Variants in PRKN observed in about 807,000 individuals in gnomAD.
PRKN encodes E3 ubiquitin-protein ligase parkin.
Under a neutral mutation model 59.5 loss-of-function variants are expected in PRKN, and 56 were observed. That is an observed-to-expected ratio of 0.94 (90% CI 0.76 to 1.18). The LOEUF is 1.18. Among genes scored for constraint, PRKN ranks in the 50% most tolerant of loss-of-function variants. PRKN has a pLI of 0.00. For missense variants in PRKN, 657 were observed against 596.4 expected (o/e 1.10, Z -1.06); for synonymous variants, 250 against 222.1 (o/e 1.13, Z -1.12).
chr6:162,568,600 C>T, intron 1 of PRKN: 2 of 873,606 alleles, frequency 2.3e-6, no homozygotes, highest in African/African-American at 1.7e-5. Context: ...CAGATCAGGA[C>T]CCTCAACAAC....
At position 161,359,027 on chromosome 6, in the gene PRKN, C is replaced by A. The variant is rs1194139603; in HGVS notation, c.1285+1061G>T. On this transcript the variant is annotated intron_variant, in intron 11 of 11. Transcript: ENST00000366898. This position sits in a 1 kb window ranked among gnomAD's most constrained non-coding sequence, Gnocchi z 5.4. ...GCCAGGATGGTCTCGACCTCCTGAC[C>A]TTGTGATCCACCCGCCTCCGCCTCC... is the stretch of plus-strand genomic sequence containing the variant. Among the ~76,000 whole-genome samples the A allele has an allele frequency of 2.0e-5, 3 of 151,950 alleles. No homozygotes were observed. The highest frequency in any genetic ancestry group is 2.0e-4 in the Admixed American group (3 of 15,254).
At chr6:161,907,507 T>C (rs1267948804) in intron 6 of PRKN, among the ~76,000 whole-genome samples, 1 of 152,202 alleles carries the variant, frequency 6.6e-6, no homozygotes, top group Non-Finnish European at 1.5e-5. Flanking sequence ...AGCTCACATT[T>C]GCCAAGTTAT....
At chr6:162,716,625 T>C (rs569766637) in intron 1 of PRKN, among the ~76,000 whole-genome samples, 1 of 152,264 alleles carries the variant, frequency 6.6e-6, no homozygotes, top group South Asian at 2.1e-4. Flanking sequence ...CATATCAAAT[T>C]ACCCAGCTGC....
chr6:162,463,095 G>A (rs73035835), intron 1 of PRKN, among the ~76,000 whole-genome samples: 13,046 of 149,970 alleles, frequency 0.087, 890 homozygotes, highest in East Asian at 0.33. Flanking sequence ...AATTAAAAAC[G>A]AAAAAAAAAC....
At chr6:161,425,194 C>T (rs1384747414) in intron 9 of PRKN, among the ~76,000 whole-genome samples, 1 of 152,080 alleles carries the variant, frequency 6.6e-6, no homozygotes, top group African/African-American at 2.4e-5. Flanking sequence ...TACTTTGACC[C>T]CACTAGTCTT....
intron 7 of PRKN, among the ~76,000 whole-genome samples, chr6:161,698,045 C>T (rs1164092569): frequency 6.6e-6 from 1 of 152,028 alleles, no homozygotes; most frequent in Non-Finnish European, 1.5e-5. Context: ...ACTTATAAAA[C>T]ATACAACATG....
intron 4 of PRKN, among the ~76,000 whole-genome samples, chr6:162,183,891 A>G (rs1341964171): frequency 5.9e-5 from 9 of 152,134 alleles, no homozygotes; most frequent in South Asian, 2.1e-4. Flanking sequence ...TAAAAATCCA[A>G]ACAGGTGCAC....
intron 5 of PRKN, among the ~76,000 whole-genome samples, chr6:162,003,466 C>A (rs1782136300): frequency 6.6e-6 from 1 of 152,114 alleles, no homozygotes; most frequent in African/African-American, 2.4e-5. Context: ...CTTGGCTGAG[C>A]CCCATAGCCT....
At chr6:161,759,875 C>T (rs1428369522) in intron 7 of PRKN, among the ~76,000 whole-genome samples, 1 of 152,056 alleles carries the variant, frequency 6.6e-6, no homozygotes, top group Non-Finnish European at 1.5e-5. Context: ...TTTCTGAAGT[C>T]TGACCAATGA....
intron 1 of PRKN, among the ~76,000 whole-genome samples, chr6:162,626,200 G>C (rs556483381): frequency 6.6e-6 from 1 of 152,088 alleles, no homozygotes; most frequent in Non-Finnish European, 1.5e-5. Flanking sequence ...ATGCTGGATG[G>C]GGAATTTACC....
chr6:162,100,054 T>C (rs1248553798), intron 4 of PRKN, among the ~76,000 whole-genome samples: 2 of 152,260 alleles, frequency 1.3e-5, no homozygotes, highest in African/African-American at 2.4e-5. Flanking sequence ...GCTCATTTTA[T>C]GTAACATCAT....
At chr6:162,136,236 G>C (rs769158708) in intron 4 of PRKN, among the ~76,000 whole-genome samples, 1 of 151,842 alleles carries the variant, frequency 6.6e-6, no homozygotes, top group South Asian at 2.1e-4. Flanking sequence ...ATCTCACACA[G>C]GAACAGGAAA....
intron 7 of PRKN, among the ~76,000 whole-genome samples, chr6:161,710,472 T>C (rs983054149): frequency 5.3e-5 from 8 of 152,232 alleles, no homozygotes; most frequent in African/African-American, 1.9e-4. Context: ...TTTCTTCTTC[T>C]TCTTCTTCAT....
At chr6:161,823,101 A>T (rs1048408590) in intron 6 of PRKN, among the ~76,000 whole-genome samples, 12 of 138,886 alleles carry the variant, frequency 8.6e-5, no homozygotes, top group African/African-American at 2.9e-4. Flanking sequence ...TGCCAGGCTA[A>T]TTTTTTTTTT....
At position 162,166,166 on chromosome 6, in the gene PRKN, G is replaced by A. The variant is rs145375009; in HGVS notation, c.534+34965C>T. Among the ~76,000 whole-genome samples, 270 of 151,980 alleles carry A rather than the reference G, an allele frequency of 1.8e-3. 2 individuals carry two copies. Among genetic ancestry groups the A allele is most frequent in the African/African-American group, 6.0e-3 (249 of 41,430 alleles). ...TTCAAGAGAGTCAAAACCTGGAGACGGCCCAGGTGTCCCTCTACAGTAGAC... is the reference window on the plus strand; with the variant it reads ...TTCAAGAGAGTCAAAACCTGGAGACAGCCCAGGTGTCCCTCTACAGTAGAC... On this transcript the variant is annotated intron_variant, in intron 4 of 11. Transcript: ENST00000366898.
intron 6 of PRKN, among the ~76,000 whole-genome samples, chr6:161,794,910 A>G (rs544060101): frequency 6.6e-6 from 1 of 151,798 alleles, no homozygotes; most frequent in East Asian, 1.9e-4. Context: ...TTTGAGGTGG[A>G]GTCTCGTTCT....
At chr6:162,135,290 C>T (rs1381407207) in intron 4 of PRKN, among the ~76,000 whole-genome samples, 1 of 151,890 alleles carries the variant, frequency 6.6e-6, no homozygotes, top group Admixed American at 6.6e-5. Context: ...GTTTGAGCCA[C>T]CAGGACTAGC....
rs1779214395 is a variant in PRKN, at chr6:162,085,531, T to C, written c.535-31357A>G. ...TTATTCTATAATTTAATGGAGGACA[T>C]AAAGAGCAGATATTTGACAAAGAAA... On this transcript the variant is annotated intron_variant, in intron 4 of 11. Coordinates refer to ENST00000366898, the MANE Select transcript of PRKN (RefSeq NM_004562.3). Among the ~76,000 whole-genome samples, 5 of 152,096 alleles carry C rather than the reference T, an allele frequency of 3.3e-5. No homozygotes were observed. In the South Asian group the frequency reaches 6.2e-4, roughly 19 times the overall value.
Position 161,526,221 on chromosome 6 carries a change from A to C in PRKN, c.1083+22633T>G, listed in dbSNP as rs1473937495. On this transcript the variant is annotated intron_variant, in intron 9 of 11. Coordinates refer to ENST00000366898, the MANE Select transcript of PRKN (RefSeq NM_004562.3). The surrounding 1 kb of genome is among the most constrained non-coding windows in gnomAD (Gnocchi z 4.1). ...AACATGGAGCTGGAAAAAGATGTGC[A>C]TAACTGGCTCCTGTGAACCTGGTAC... 6.6e-6 allele frequency among the ~76,000 whole-genome samples: 1 copy of C among 152,260 alleles called. No homozygotes were observed. Among genetic ancestry groups the C allele is most frequent in the Non-Finnish European group, 1.5e-5 (1 of 68,056 alleles).
Sources: allele counts gnomAD v4.1 joint callset (sites outside exome capture counted in the v4.1 genomes callset), GRCh38; gene constraint gnomAD v4.1.1; non-coding constraint Gnocchi (gnomAD v3.1); transcripts MANE v1.5; gene names NCBI Gene and HGNC (gene_info 2026-07-23, HGNC 2026-07-21).